Variants in IL17RB observed in about 807,000 individuals in gnomAD.
IL17RB encodes interleukin 17 receptor B.
Under a neutral mutation model 43.9 loss-of-function variants are expected in IL17RB, and 36 were observed. The ratio of observed to expected loss-of-function variants is 0.82; its 90% CI spans 0.63 to 1.08. The LOEUF is 1.08. Ranked by LOEUF, IL17RB falls within the 50% of genes least tolerant of loss-of-function variation. The pLI, the probability that IL17RB is intolerant of heterozygous loss-of-function variation, is 0.00. For synonymous variants in IL17RB, 225 were observed against 225.4 expected (o/e 1.00, Z 0.02); for missense variants, 613 against 613.6 (o/e 1.00, Z 0.01).
intron 10 of IL17RB, 65 bp from the exon 11 acceptor site, chr3:53,864,681 G>A: frequency 8.3e-7 from 1 of 1,205,730 alleles, no homozygotes. Flanking sequence ...TGTCAGGGAT[G>A]GTTTACAGAG....
intron 8 of IL17RB, chr3:53,858,486 G>A (rs1054075011): frequency 5.6e-5 from 77 of 1,375,296 alleles, no homozygotes; most frequent in Non-Finnish European, 6.7e-5. Flanking sequence ...TGTTAGTAAC[G>A]TGTACAAAGT....
chr3:53,855,420 C>A, intron 6 of IL17RB, 79 bp downstream of exon 6: 1 of 1,007,366 alleles, frequency 9.9e-7, no homozygotes, highest in Non-Finnish European at 1.5e-6. Context: ...CATCTTTGCA[C>A]AGAAGAACTG....
Position 53,864,952 on chromosome 3 carries a change from CAAAAG to C in IL17RB, c.1156_1160del (p.Lys386GlyfsTer12), listed in dbSNP as rs1699727034. ...GGGTCCAGTGCAGTGGCTTGCCACT[CAAAAG>C]AAGGCAGCAGACAAAGTCGTCTTCC... is the stretch of plus-strand genomic sequence containing the variant. On this transcript the variant is annotated frameshift_variant, in exon 11 of 11. Coordinates refer to ENST00000288167, the MANE Select transcript of IL17RB (RefSeq NM_018725.4). LOFTEE classifies it low-confidence loss of function (END_TRUNC). 1.9e-6 allele frequency: 3 copies of C among 1,613,976 alleles called. No homozygotes were observed. The African/African-American group carries it at 4.0e-5, about 22-fold the overall frequency.
rs1348276631 is a variant in IL17RB, at chr3:53,852,079, A to G, written c.307A>G (p.Asn103Asp). 6.2e-7 allele frequency: 1 copy of G among 1,614,162 alleles called. No homozygotes were observed. The highest frequency in any genetic ancestry group is 8.5e-7 in the Non-Finnish European group (1 of 1,180,022). The change falls in exon 4 of 11, where the codon AAT becomes GAT. Residue 103 changes from asparagine (N) to aspartate (D), a missense_variant. Transcript: ENST00000288167. The stretch of plus-strand genomic sequence containing the variant: ...CCAGTCCTACAGCTGTGTGAGGTGC[A>G]ATTACACAGAGGCCTTCCAGACTCA... ...NFQSYSCVRCNYTEAFQTQTR... is the reference protein window; with the variant it reads ...NFQSYSCVRCDYTEAFQTQTR...
intron 6 of IL17RB, among the ~76,000 whole-genome samples, 159 bp downstream of exon 6, chr3:53,855,500 C>T (rs1699300549): frequency 6.6e-6 from 1 of 152,204 alleles, no homozygotes; most frequent in Non-Finnish European, 1.5e-5. Context: ...GGCTCCTGAT[C>T]TCCAGCCAGT....
Position 53,865,403 on chromosome 3 carries a change from A to G in IL17RB, c.*95A>G. 1.1e-6 allele frequency: 1 copy of G among 925,650 alleles called. No individual in the cohort carries two copies. The highest frequency in any genetic ancestry group is 1.6e-6 in the Non-Finnish European group (1 of 632,954). The allele number at this position is 925,650 out of a possible 1,614,324, so 57.3% of individuals were successfully genotyped here. Reference sequence around the variant, plus strand: ...GATCCTGAAGCTTACTATGCAGCCTACAAACAGCCTTAGTAATTAAAACAT... The same window carrying G: ...GATCCTGAAGCTTACTATGCAGCCTGCAAACAGCCTTAGTAATTAAAACAT... On this transcript the variant is annotated 3_prime_UTR_variant, in exon 11 of 11. Coordinates refer to ENST00000288167, the MANE Select transcript of IL17RB (RefSeq NM_018725.4).
chr3:53,858,850 A>G (rs1340371951), intron 9 of IL17RB, 32 bp downstream of exon 9: 1 of 1,547,024 alleles, frequency 6.5e-7, no homozygotes, highest in African/African-American at 1.4e-5. Flanking sequence ...CCAGATGATC[A>G]AAGTGGCTCA....
intron 1 of IL17RB, among the ~76,000 whole-genome samples, chr3:53,846,861 C>T (rs549441584): frequency 6.6e-6 from 1 of 152,334 alleles, no homozygotes; most frequent in East Asian, 1.9e-4. Context: ...CAGATGCCAC[C>T]CTGTACTGTT....
Position 53,859,974 on chromosome 3 carries a change from C to A in IL17RB, c.848-156C>A, listed in dbSNP as rs568855034. 2.9e-4 allele frequency: 161 copies of A among 552,864 alleles called. 3 individuals are homozygous for A. The South Asian group carries it at 4.0e-3, about 14-fold the overall frequency. 34.2% of individuals were successfully genotyped at this position (552,864 alleles called of 1,614,324 possible). ...GCAGTGAACCGAGATTGCGCCACTG[C>A]ACTCCAGCCTAGGCAACAAAGCGAG... On this transcript the variant is annotated intron_variant, in intron 9 of 10. Coordinates refer to ENST00000288167, the MANE Select transcript of IL17RB (RefSeq NM_018725.4).
Position 53,848,690 on chromosome 3 carries a change from T to C in IL17RB, c.85+2T>C. 6.2e-7 allele frequency: 1 copy of C among 1,613,950 alleles called. No individual in the cohort carries two copies. Among genetic ancestry groups the C allele is most frequent in the Non-Finnish European group, 8.5e-7 (1 of 1,179,844 alleles). ...CCGTTCAATGTGGCTCTGAAACTGG[T>C]AGGTGCATTAGAGAATGGGTATTTG... On this transcript the variant is annotated splice_donor_variant, in intron 2 of 10. Transcript: ENST00000288167. LOFTEE classifies it high-confidence loss of function.
At chr3:53,860,913 C>T (rs1576845617) in intron 10 of IL17RB, 1 of 152,186 alleles carries the variant, frequency 6.6e-6, no homozygotes, top group African/African-American at 2.4e-5. Context: ...CACATACCAA[C>T]TGTACATGGC....
At chr3:53,848,164 T>C (rs1699000731) in intron 1 of IL17RB, among the ~76,000 whole-genome samples, 4 of 152,246 alleles carry the variant, frequency 2.6e-5, no homozygotes, top group Admixed American at 2.6e-4. Context: ...CAGTGAGTCC[T>C]TTTGTGTTAG....
chr3:53,862,719 A>T (rs1018554102), intron 10 of IL17RB, among the ~76,000 whole-genome samples: 16 of 152,204 alleles, frequency 1.1e-4, no homozygotes, highest in African/African-American at 3.9e-4. Context: ...ACATTAAACA[A>T]TCTGGCAGGT....
intron 8 of IL17RB, chr3:53,858,274 A>G: frequency 1.1e-6 from 1 of 901,068 alleles, no homozygotes; most frequent in Non-Finnish European, 1.3e-6. Context: ...CAAACACACC[A>G]GAGGGGGCAG....
intron 1 of IL17RB, 68 bp from the exon 2 acceptor site, chr3:53,848,596 T>C: frequency 6.7e-7 from 1 of 1,494,698 alleles, no homozygotes; most frequent in Middle Eastern, 1.7e-4. Context: ...GTGTTCTGCC[T>C]AATTTGGCAA....
rs1437684892 is a variant in IL17RB, at chr3:53,860,145, G to A, written c.863G>A (p.Gly288Glu). The A allele has an allele frequency of 6.2e-7, 1 of 1,613,770 alleles. No individual in the cohort carries two copies. Among genetic ancestry groups the A allele is most frequent in the Non-Finnish European group, 8.5e-7 (1 of 1,179,830 alleles). ...TTTTTTCCAGACAAAAGCAAGCCGG[G>A]AGGCTGGCTGCCTCTCCTCCTGCTG... is the stretch of plus-strand genomic sequence containing the variant. ...FPLDNNKSKP[G>E]GWLPLLLLSL... The change falls in exon 10 of 11, where the codon GGA becomes GAA. Residue 288 changes from glycine (G) to glutamate (E), a missense_variant. Transcript: ENST00000288167.
chr3:53,855,822 T>C (rs999514), intron 6 of IL17RB, among the ~76,000 whole-genome samples: 75,938 of 152,076 alleles, frequency 0.5, 20,462 homozygotes, highest in East Asian at 0.95. Flanking sequence ...ACGCTCTCAA[T>C]TTGTGTCCTC....
chr3:53,857,154 A>G (rs545715069), intron 7 of IL17RB, among the ~76,000 whole-genome samples, 168 bp downstream of exon 7: 22 of 152,358 alleles, frequency 1.4e-4, no homozygotes, highest in African/African-American at 5.1e-4. Context: ...ACCTCAAACC[A>G]TAGAAAGAAG....
chr3:53,858,504 C>G (rs1699433807), intron 8 of IL17RB: 2 of 1,403,062 alleles, frequency 1.4e-6, no homozygotes, highest in Non-Finnish European at 1.9e-6. Flanking sequence ...AGTTTAGGTT[C>G]AGACCCCGGG....
Sources: gnomAD v4.1 joint callset for allele counts (sites outside exome capture counted in the v4.1 genomes callset) on GRCh38, gnomAD v4.1.1 for gene constraint, MANE v1.5 for transcripts, NCBI Gene and HGNC (gene_info 2026-07-23, HGNC 2026-07-21) for gene names.